The following ZC3H12B variants were observed in gnomAD, a reference collection of about 807,000 sequenced individuals.
ZC3H12B encodes zinc finger CCCH-type containing 12B, also known as probable ribonuclease ZC3H12B.
ZC3H12B carries 7 observed loss-of-function variants against 43.9 expected under a neutral mutation model. The ratio of observed to expected loss-of-function variants is 0.16; its 90% confidence interval spans 0.09 to 0.30. The LOEUF is 0.30. ZC3H12B is among the 10% of genes least tolerant of loss of function. The probability of loss-of-function intolerance (pLI) is 1.00; values close to 1 mark genes in which losing one functional copy is unlikely to be tolerated. For missense variants in ZC3H12B, 475 were observed against 670.2 expected (o/e 0.71, Z 3.22); for synonymous variants, 222 against 241.7 (o/e 0.92, Z 0.76).
chrX:65,335,586 C>A, the ZC3H12B span, among the ~76,000 whole-genome samples: 1 of 110,790 alleles, frequency 9.0e-6, no homozygotes, highest in Non-Finnish European at 1.9e-5. Context: ...GGAATAGAAT[C>A]AACAAATTGT....
chrX:65,140,495 G>A, the ZC3H12B span, among the ~76,000 whole-genome samples: 1 of 111,737 alleles, frequency 8.9e-6, no homozygotes, highest in Non-Finnish European at 1.9e-5. Context: ...GATTCATTTT[G>A]CTAGTATTTC....
the ZC3H12B span, among the ~76,000 whole-genome samples, chrX:65,265,019 C>T: frequency 2.7e-5 from 3 of 111,709 alleles, no homozygotes; most frequent in East Asian, 5.6e-4. Flanking sequence ...GACTAGAATT[C>T]GGGACTGCAG....
At chrX:65,484,179 C>T (rs1307111732), upstream of ZC3H12B, among the ~76,000 whole-genome samples, 2 of 110,974 alleles carry the variant, frequency 1.8e-5, no homozygotes, top group Non-Finnish European at 3.8e-5. Flanking sequence ...TAGAGGGGAA[C>T]AACACACTCT....
At chrX:65,086,133 A>G in the ZC3H12B span, among the ~76,000 whole-genome samples, 2 of 106,127 alleles carry the variant, frequency 1.9e-5, no homozygotes, top group Non-Finnish European at 3.8e-5. Flanking sequence ...TTCAGTTGGT[A>G]CAGTTTCCTG....
chrX:65,443,383 G>A (rs2067330705), intron 3 of ZC3H12B, among the ~76,000 whole-genome samples: 1 of 111,021 alleles, frequency 9.0e-6, no homozygotes, highest in Non-Finnish European at 1.9e-5. Context: ...CCTAGAGGCC[G>A]ACCCTAACCC....
At chrX:65,089,387 A>G in the ZC3H12B span, among the ~76,000 whole-genome samples, 11 of 111,847 alleles carry the variant, frequency 9.8e-5, no homozygotes, top group Non-Finnish European at 3.8e-5. Flanking sequence ...AAAAGGGACA[A>G]TAAAAGTATA....
chrX:65,160,361 G>T, the ZC3H12B span, among the ~76,000 whole-genome samples: 1 of 111,521 alleles, frequency 9.0e-6, no homozygotes, highest in African/African-American at 3.3e-5. Flanking sequence ...TGTACCTCTG[G>T]TAGAATTCGG....
the ZC3H12B span, among the ~76,000 whole-genome samples, chrX:65,198,448 C>T: frequency 1.8e-5 from 2 of 111,804 alleles, no homozygotes; most frequent in African/African-American, 6.5e-5. Context: ...AATTCCTCAA[C>T]GTTTTTGAGT....
chrX:65,489,155 G>C, exon 1 of ZC3H12B: 1 of 1,211,816 alleles, frequency 8.3e-7, no homozygotes, highest in Non-Finnish European at 1.1e-6. Flanking sequence ...CGCTAAAGCT[G>C]GGCTATGCAG....
the ZC3H12B span, among the ~76,000 whole-genome samples, chrX:65,297,359 CA>C: frequency 9.1e-6 from 1 of 110,342 alleles, no homozygotes; most frequent in Non-Finnish European, 1.9e-5. Context: ...CAAGAGCGAC[CA>C]AGAGGAATCA....
chrX:65,245,454 C>G, the ZC3H12B span, among the ~76,000 whole-genome samples: 1 of 111,649 alleles, frequency 9.0e-6, no homozygotes, highest in Non-Finnish European at 1.9e-5. Context: ...AAATAACTGG[C>G]AAACAGAATC....
intron 3 of ZC3H12B, chrX:65,469,248 G>T: frequency 4.1e-6 from 1 of 242,801 alleles, no homozygotes; most frequent in Non-Finnish European, 8.0e-6. Context: ...CAAGTCAAAG[G>T]TGCCACTCAC....
the ZC3H12B span, among the ~76,000 whole-genome samples, chrX:65,205,551 A>T: frequency 8.9e-6 from 1 of 111,734 alleles, no homozygotes; most frequent in Non-Finnish European, 1.9e-5. Context: ...GCCATATATG[A>T]CAAATCCACA....
the ZC3H12B span, among the ~76,000 whole-genome samples, chrX:65,124,771 G>A: frequency 9.0e-6 from 1 of 110,665 alleles, no homozygotes; most frequent in African/African-American, 3.3e-5. Flanking sequence ...GTATTTGCAT[G>A]TAAAGGTGTT....
At chrX:65,045,572 CT>C in the ZC3H12B span, among the ~76,000 whole-genome samples, 2 of 111,943 alleles carry the variant, frequency 1.8e-5, no homozygotes, top group Non-Finnish European at 3.8e-5. Flanking sequence ...TCTAATTCTT[CT>C]GCTATTTCTA....
chrX:65,421,767 G>A (rs1162876749), intron 3 of ZC3H12B, among the ~76,000 whole-genome samples: 2 of 110,929 alleles, frequency 1.8e-5, no homozygotes, highest in South Asian at 3.9e-4. Flanking sequence ...CGAGACCACG[G>A]TGAAACCCTG....
the ZC3H12B span, among the ~76,000 whole-genome samples, chrX:65,258,545 A>G: frequency 9.8e-5 from 11 of 111,868 alleles, no homozygotes; most frequent in East Asian, 3.1e-3. Context: ...TCCATTCCAC[A>G]TAGTACTGGA....
At chrX:65,130,885 G>T in the ZC3H12B span, among the ~76,000 whole-genome samples, 2 of 109,737 alleles carry the variant, frequency 1.8e-5, no homozygotes, top group East Asian at 5.8e-4. Context: ...TATCAGCATA[G>T]TTGTTGTCCT....
At chrX:65,146,193 C>A in the ZC3H12B span, among the ~76,000 whole-genome samples, 2 of 111,159 alleles carry the variant, frequency 1.8e-5, no homozygotes, top group South Asian at 3.8e-4. Flanking sequence ...ATTCATTTTT[C>A]TTTGTCTTTG....
Sources: allele counts gnomAD v4.1 joint callset (sites outside exome capture counted in the v4.1 genomes callset), GRCh38; gene constraint gnomAD v4.1.1; transcripts MANE v1.5; gene names NCBI Gene and HGNC (gene_info 2026-07-23, HGNC 2026-07-21).